PTPN11: variants seen among roughly 807,000 people sequenced by gnomAD.
The protein encoded by PTPN11 is tyrosine-protein phosphatase non-receptor type 11.
Under a neutral mutation model 78.8 loss-of-function variants are expected in PTPN11, and 6 were observed. That is an observed-to-expected ratio of 0.08 (90% CI 0.04 to 0.15). The LOEUF (loss-of-function observed/expected upper bound fraction) is 0.15. PTPN11 is among the 10% of genes least tolerant of loss of function. The pLI, the probability that PTPN11 is intolerant of heterozygous loss-of-function variation, is 1.00. For synonymous variants in PTPN11, 221 were observed against 263.5 expected, an observed-to-expected ratio of 0.84 and a Z score of 1.56; for missense variants, 386 against 744.8, an observed-to-expected ratio of 0.52 and a Z score of 5.61.
intron 1 of PTPN11, 148 bp downstream of exon 1, chr12:112,419,273 C>T: frequency 1.3e-6 from 1 of 754,084 alleles, no homozygotes; most frequent in Non-Finnish European, 1.8e-6. Context: ...GTCCCCTCGC[C>T]CTCCAGGGGC....
intron 6 of PTPN11, among the ~76,000 whole-genome samples, chr12:112,466,768 T>G (rs1028417051): frequency 5.3e-5 from 8 of 152,128 alleles, no homozygotes; most frequent in Admixed American, 2.0e-4. Flanking sequence ...CTGGCCGTAA[T>G]GGTGAGTGTC....
At chr12:112,434,244 C>T (rs2037755766) in intron 1 of PTPN11, among the ~76,000 whole-genome samples, 1 of 152,052 alleles carries the variant, frequency 6.6e-6, no homozygotes, top group African/African-American at 2.4e-5. Flanking sequence ...CACACCTCTG[C>T]ACTCCAACCT....
chr12:112,480,555 A>AG (rs11390725), intron 9 of PTPN11, among the ~76,000 whole-genome samples: 82,955 of 151,572 alleles, frequency 0.55, 27,289 homozygotes, highest in East Asian at 0.94. Context: ...TAGTAGAGAC[A>AG]GGTTTCACCA....
intron 6 of PTPN11, among the ~76,000 whole-genome samples, chr12:112,468,234 ACAGGTCATTAG>A (rs1299668899): frequency 6.6e-6 from 1 of 152,142 alleles, no homozygotes; most frequent in Admixed American, 6.5e-5. Flanking sequence ...ATTCAGCTTG[ACAGGTCATTAG>A]CAGCTTTTGT....
chr12:112,492,253 C>CTAGT (rs2135920118), intron 13 of PTPN11, among the ~76,000 whole-genome samples: 1 of 152,248 alleles, frequency 6.6e-6, no homozygotes, highest in African/African-American at 2.4e-5. Flanking sequence ...TGATTCATTA[C>CTAGT]TAGTGGTGTT....
At chr12:112,421,114 T>C (rs2037516774) in intron 1 of PTPN11, among the ~76,000 whole-genome samples, 1 of 152,132 alleles carries the variant, frequency 6.6e-6, no homozygotes, top group Admixed American at 6.6e-5. Flanking sequence ...AATGGAGTAA[T>C]TCCTTCTCCC....
intron 3 of PTPN11, among the ~76,000 whole-genome samples, chr12:112,452,989 A>G (rs1169893827): frequency 6.6e-6 from 1 of 152,130 alleles, no homozygotes; most frequent in Non-Finnish European, 1.5e-5. Context: ...TAAGAAGTTT[A>G]GTGGTCATTC....
rs542115739 is a variant in PTPN11 at position 112,478,953 on chromosome 12, G to T, written c.1092+938G>T. ...TTGCCATGTTGGCCAGGCTGGTTTT[G>T]GAACCCCTGAGCTTAGGTGATCCAC... On this transcript the variant is annotated intron_variant, in intron 9 of 15. Transcript: ENST00000351677. Among the ~76,000 whole-genome samples the T allele has an allele frequency of 1.3e-4, 20 of 152,188 alleles. No homozygotes were observed. In the South Asian group the frequency reaches 4.1e-3, roughly 32 times the overall value.
intron 1 of PTPN11, among the ~76,000 whole-genome samples, chr12:112,436,976 G>A (rs886315131): frequency 2.0e-5 from 3 of 151,950 alleles, no homozygotes; most frequent in Non-Finnish European, 2.9e-5. Flanking sequence ...TTCTTAAAAA[G>A]CAATTGAATT....
At chr12:112,478,420 AT>A (rs1413180073) in intron 9 of PTPN11, among the ~76,000 whole-genome samples, 1 of 151,774 alleles carries the variant, frequency 6.6e-6, no homozygotes, top group Non-Finnish European at 1.5e-5. Context: ...AAAAAAAAAA[AT>A]GTACCCTGCA....
Position 112,486,858 on chromosome 12 carries a change from G to A in PTPN11, c.1379+229G>A, listed in dbSNP as rs190012265. ...CATGGCAACATGCTCAGTTAAAACA[G>A]CAAAGACTAAGTCAGCATTATCTCT... On this transcript the variant is annotated intron_variant, in intron 11 of 15. Coordinates refer to ENST00000351677, the MANE Select transcript of PTPN11 (RefSeq NM_002834.5). 4.6e-4 allele frequency: 656 copies of A among 1,427,428 alleles called. 2 individuals carry two copies. The African/African-American group carries it at 8.0e-3, about 17-fold the overall frequency. The allele number at this position is 1,427,428 out of a possible 1,614,324, so 88.4% of individuals were successfully genotyped here. A position where few individuals can be genotyped will look rare whatever the true frequency, so the allele number is the denominator to read the frequency against.
intron 1 of PTPN11, among the ~76,000 whole-genome samples, chr12:112,422,695 G>A (rs895576363): frequency 1.3e-5 from 2 of 152,166 alleles, no homozygotes; most frequent in Non-Finnish European, 2.9e-5. Context: ...TCTTTGCAGT[G>A]GAAACTGGGA....
intron 6 of PTPN11, among the ~76,000 whole-genome samples, chr12:112,459,767 C>G (rs1460059581): frequency 1.3e-5 from 2 of 151,960 alleles, no homozygotes; most frequent in Non-Finnish European, 2.9e-5. Context: ...TGCTCCCGGC[C>G]TTGAAGCAAA....
chr12:112,443,329 A>C (rs1328025424), intron 1 of PTPN11, among the ~76,000 whole-genome samples: 1 of 148,272 alleles, frequency 6.7e-6, no homozygotes, highest in Non-Finnish European at 1.5e-5. Flanking sequence ...ATTTCTTTGC[A>C]TCCCGCCAAA....
intron 1 of PTPN11, among the ~76,000 whole-genome samples, chr12:112,435,417 A>G (rs760625393): frequency 1.3e-5 from 2 of 152,174 alleles, no homozygotes; most frequent in Non-Finnish European, 2.9e-5. Flanking sequence ...TTCTTTTAGA[A>G]TCTATTTTAA....
intron 4 of PTPN11, 32 bp downstream of exon 4, chr12:112,453,419 A>G: frequency 6.3e-7 from 1 of 1,596,742 alleles, no homozygotes; most frequent in Non-Finnish European, 8.6e-7. Flanking sequence ...GGGTCTGGCA[A>G]GATGTTACCT....
At chr12:112,459,710 C>T (rs1012320622) in intron 6 of PTPN11, among the ~76,000 whole-genome samples, 2 of 152,058 alleles carry the variant, frequency 1.3e-5, no homozygotes, top group Admixed American at 6.6e-5. Context: ...TCAGGTGATC[C>T]GCCTGACTTG....
rs772805515 is a variant in PTPN11 at position 112,440,563 on chromosome 12, C to CTTTT, written c.15-5688_15-5685dup. ...ACAGGCGTGAGCCACTGTGCCTGGC[C>CTTTT]TTTTTTTTTTTTTTTTTTTTTTTTT... On this transcript the variant is annotated intron_variant, in intron 1 of 15. Coordinates refer to ENST00000351677, the MANE Select transcript of PTPN11 (RefSeq NM_002834.5). Among the ~76,000 whole-genome samples the CTTTT allele has an allele frequency of 1.9e-4, 17 of 90,712 alleles. 3 individuals carry two copies. The highest frequency in any genetic ancestry group is 3.3e-4 in the Non-Finnish European group (15 of 45,136). 59.5% of individuals were successfully genotyped at this position (90,712 alleles called of 152,430 possible). A position where few individuals can be genotyped will look rare whatever the true frequency, so the allele number is the denominator to read the frequency against.
chr12:112,438,741 C>A (rs558874311), intron 1 of PTPN11, among the ~76,000 whole-genome samples: 1 of 152,278 alleles, frequency 6.6e-6, no homozygotes, highest in African/African-American at 2.4e-5. Context: ...CCTTGGCCTC[C>A]CAAAGTGCTG....
Sources: gnomAD v4.1 joint callset for allele counts (sites outside exome capture counted in the v4.1 genomes callset) on GRCh38, gnomAD v4.1.1 for gene constraint, MANE v1.5 for transcripts, NCBI Gene and HGNC (gene_info 2026-07-23, HGNC 2026-07-21) for gene names.